The following ANKRD30A variants were observed in gnomAD, a reference collection of about 807,000 sequenced individuals.
ANKRD30A encodes the protein ankyrin repeat domain-containing protein 30A.
ANKRD30A carries 170 observed loss-of-function variants against 166.3 expected under a neutral mutation model. The observed-to-expected ratio is 1.02, with a 90% CI of 0.90 to 1.16. ANKRD30A has a LOEUF of 1.16. Among genes scored for constraint, ANKRD30A ranks in the 50% most tolerant of loss-of-function variants. ANKRD30A has a pLI of 0.00. For missense variants in ANKRD30A, 1,630 were observed against 1,518.0 expected (o/e 1.07, Z -1.23); for synonymous variants, 564 against 508.9 (o/e 1.11, Z -1.46).
chr10:37,200,755 A>G (rs1241601844), intron 30 of ANKRD30A, among the ~76,000 whole-genome samples: 2 of 152,108 alleles, frequency 1.3e-5, no homozygotes, highest in Non-Finnish European at 2.9e-5. Flanking sequence ...TTCTGTACAT[A>G]CATTCTATGA....
At position 37,141,128 on chromosome 10, in the gene ANKRD30A, C is replaced by CT. The variant is rs535463350; in HGVS notation, c.821-583dup. Among the ~76,000 whole-genome samples the CT allele has an allele frequency of 1.4e-3, 217 of 152,120 alleles. 1 individual carries two copies. Among genetic ancestry groups the CT allele is most frequent in the African/African-American group, 5.0e-3 (207 of 41,512 alleles). On this transcript the variant is annotated intron_variant, in intron 6 of 35. Transcript: ENST00000361713. ...TAAGCATTTTTCTTGTTATTATTGT[C>CT]TTTTTTTATTATTTGTTACTTTATT...
At chr10:37,262,127 C>T in the ANKRD30A span, among the ~76,000 whole-genome samples, 2 of 152,202 alleles carry the variant, frequency 1.3e-5, no homozygotes, top group African/African-American at 4.8e-5. Flanking sequence ...GTCAGAGTTT[C>T]TTGACAGGTG....
At chr10:37,161,823 CA>C (rs1027935171) in intron 15 of ANKRD30A, among the ~76,000 whole-genome samples, 12 of 152,188 alleles carry the variant, frequency 7.9e-5, no homozygotes, top group African/African-American at 2.2e-4. Context: ...TGCCATTCCA[CA>C]AAAAATTTAT....
intron 27 of ANKRD30A, among the ~76,000 whole-genome samples, chr10:37,194,487 C>G (rs997855753): frequency 2.8e-4 from 43 of 151,794 alleles, no homozygotes; most frequent in Non-Finnish European, 3.2e-4. Context: ...ACTCCAGGCG[C>G]GTGCCACCAC....
chr10:37,162,916 T>G, intron 17 of ANKRD30A, 68 bp downstream of exon 17: 1 of 1,547,800 alleles, frequency 6.5e-7, no homozygotes, highest in Non-Finnish European at 8.8e-7. Flanking sequence ...GGTCTTTCTG[T>G]ACCCAATGGT....
chr10:37,199,123 C>T (rs574466048), intron 29 of ANKRD30A, among the ~76,000 whole-genome samples: 37 of 152,146 alleles, frequency 2.4e-4, no homozygotes, highest in African/African-American at 8.7e-4. Context: ...GTAATTAAAG[C>T]AGTTCTTAAT....
At chr10:37,192,687 C>G (rs1019004979) in intron 25 of ANKRD30A, among the ~76,000 whole-genome samples, 2 of 151,994 alleles carry the variant, frequency 1.3e-5, no homozygotes, top group African/African-American at 4.8e-5. Context: ...CTCCCATTAG[C>G]TTAGTCATTT....
intron 32 of ANKRD30A, 25 bp downstream of exon 32, chr10:37,216,419 A>G: frequency 6.4e-7 from 1 of 1,558,930 alleles, no homozygotes; most frequent in Non-Finnish European, 8.7e-7. Flanking sequence ...TTTTAAATAA[A>G]TATTTCAGCT....
intron 15 of ANKRD30A, among the ~76,000 whole-genome samples, chr10:37,160,552 C>T (rs1036213167): frequency 1.3e-5 from 2 of 152,040 alleles, no homozygotes; most frequent in Non-Finnish European, 2.9e-5. Flanking sequence ...AACAAATGGG[C>T]TCTTGTATAT....
At chr10:37,193,595 G>A (rs1256714165) in intron 27 of ANKRD30A, among the ~76,000 whole-genome samples, 1 of 151,982 alleles carries the variant, frequency 6.6e-6, no homozygotes, top group Non-Finnish European at 1.5e-5. Context: ...AGGCTGATTG[G>A]AATTCTGATG....
In ANKRD30A at chr10:37,146,541, A is replaced by C. The variant is rs1588783224; in HGVS notation, c.1456-829A>C. ...GGACAGATGAATAAAGTACATTGAC[A>C]CACAGATATTCTTCTCTGCCAGTCC... On this transcript the variant is annotated intron_variant, in intron 8 of 35. Transcript: ENST00000361713. 1.3e-5 allele frequency among the ~76,000 whole-genome samples: 2 copies of C among 152,204 alleles called. 1 individual carries two copies. The highest frequency in any genetic ancestry group is 4.8e-5 in the African/African-American group (2 of 41,458).
intron 11 of ANKRD30A, among the ~76,000 whole-genome samples, chr10:37,150,941 A>G (rs1350594572): frequency 6.6e-6 from 1 of 151,696 alleles, no homozygotes; most frequent in Non-Finnish European, 1.5e-5. Context: ...ATGGTGTGGC[A>G]ACACGTTAGA....
intron 15 of ANKRD30A, among the ~76,000 whole-genome samples, chr10:37,159,436 T>G (rs1199521017): frequency 6.6e-6 from 1 of 152,090 alleles, no homozygotes; most frequent in Non-Finnish European, 1.5e-5. Flanking sequence ...GAGAATCGCT[T>G]GAAACTAGGA....
chr10:37,136,879 T>C (rs921366498), intron 6 of ANKRD30A, among the ~76,000 whole-genome samples: 1 of 150,996 alleles, frequency 6.6e-6, no homozygotes, highest in African/African-American at 2.4e-5. Context: ...TGGTTTATAA[T>C]TCAGAATTAG....
chr10:37,162,608 T>C (rs1324180972), intron 15 of ANKRD30A, 41 bp from the exon 16 acceptor site: 3 of 1,610,890 alleles, frequency 1.9e-6, no homozygotes, highest in African/African-American at 1.3e-5. Context: ...TGGCTTGTCA[T>C]ATTTACATAT....
chr10:37,257,360 C>G, the ANKRD30A span, among the ~76,000 whole-genome samples: 1 of 149,840 alleles, frequency 6.7e-6, no homozygotes, highest in Non-Finnish European at 1.5e-5. Flanking sequence ...CTCCTGGATT[C>G]ATTGATTTTT....
At position 37,162,677 on chromosome 10, in the gene ANKRD30A, G is replaced by C. The variant is rs201701209; in HGVS notation, c.1929G>C (p.Glu643Asp). The part of the protein sequence containing the change: ...AEPPGKPSAF[E>D]PATEMQKSVP... ...CTCCGGGGAAGCCATCTGCCTTCGA[G>C]GTATTTAGTTTTATGATTTCATTTT... Residue 643 changes from glutamate to aspartate, a missense_variant and splice_region_variant, in exon 16 of 36, where the codon GAG becomes GAC. Glu to Asp is a conservative substitution (Grantham distance 45). This residue lies in a region of ANKRD30A where 904 missense variants were observed against 818.5 expected (regional missense o/e 1.10). Coordinates refer to ENST00000361713, the MANE Select transcript of ANKRD30A (RefSeq NM_052997.3). 10 of 1,612,398 alleles carry C rather than the reference G, an allele frequency of 6.2e-6. No homozygotes were observed. Among genetic ancestry groups the C allele is most frequent in the Non-Finnish European group, 6.8e-6 (8 of 1,179,742 alleles).
intron 17 of ANKRD30A, among the ~76,000 whole-genome samples, chr10:37,164,856 C>G (rs949686163): frequency 3.9e-5 from 6 of 151,968 alleles, no homozygotes; most frequent in African/African-American, 1.2e-4. Flanking sequence ...ATAATTCATA[C>G]AAGTTAGTCA....
intron 27 of ANKRD30A, among the ~76,000 whole-genome samples, chr10:37,196,112 T>G (rs1276812981): frequency 1.7e-3 from 259 of 148,566 alleles, no homozygotes; most frequent in African/African-American, 3.9e-3. Context: ...TTTTTTTTTT[T>G]GTAGTAGAAG....
Sources: gnomAD v4.1 joint callset for allele counts (sites outside exome capture counted in the v4.1 genomes callset) on GRCh38, gnomAD v4.1.1 for gene constraint, gnomAD v4.1.1 regional missense constraint, MANE v1.5 for transcripts, NCBI Gene and HGNC (gene_info 2026-07-23, HGNC 2026-07-21) for gene names.